MTUS1: variants seen among roughly 807,000 people sequenced by gnomAD.
MTUS1 encodes microtubule associated scaffold protein 1.
Under a neutral mutation model 120.8 loss-of-function variants are expected in MTUS1, and 109 were observed. The observed-to-expected ratio is 0.90, with a 90% CI of 0.77 to 1.06. The LOEUF (loss-of-function observed/expected upper bound fraction) is 1.06. Ranked by LOEUF, MTUS1 falls within the 50% of genes least tolerant of loss-of-function variation. The pLI, the probability that MTUS1 is intolerant of heterozygous loss-of-function variation, is 0.00. For missense variants in MTUS1, 2,210 were observed against 1,486.3 expected, an observed-to-expected ratio of 1.49 and a Z score of -8.01; for synonymous variants, 737 against 550.5, an observed-to-expected ratio of 1.34 and a Z score of -4.74.
At chr8:17,733,627 A>G (rs1160351230) in intron 3 of MTUS1, among the ~76,000 whole-genome samples, 2 of 152,182 alleles carry the variant, frequency 1.3e-5, no homozygotes, top group Admixed American at 6.5e-5. Flanking sequence ...AGAATAAAAC[A>G]GGGCCCCGCA....
At chr8:17,701,229 T>C (rs976538248) in intron 6 of MTUS1, among the ~76,000 whole-genome samples, 1 of 152,224 alleles carries the variant, frequency 6.6e-6, no homozygotes, top group Admixed American at 6.5e-5. Flanking sequence ...TGCAACATTT[T>C]CTTCATTTTA....
At position 17,754,213 on chromosome 8, in the gene MTUS1, G is replaced by A. The variant is rs781314110; in HGVS notation, c.1595C>T (p.Pro532Leu). ...TGAGGCACTGGTCTGCTGAGGTCTG[G>A]GCGTGACCTTTGATAAAGCAGCATC... ...PKDAALSKVT[P>L]RPQQTSASSP... The change falls in exon 2 of 15, where the codon CCC becomes CTC. Residue 532 changes from proline to leucine, a missense_variant. Pro to Leu is a moderately conservative substitution (Grantham distance 98). Coordinates refer to ENST00000693296, the MANE Select transcript of MTUS1 (RefSeq NM_001363059.2). 6.2e-7 allele frequency: 1 copy of A among 1,613,954 alleles called. No homozygotes were observed. Among genetic ancestry groups the A allele is most frequent in the South Asian group, 1.1e-5 (1 of 91,062 alleles).
At chr8:17,677,353 C>T (rs539416173) in intron 7 of MTUS1, among the ~76,000 whole-genome samples, 1 of 152,212 alleles carries the variant, frequency 6.6e-6, no homozygotes, top group South Asian at 2.1e-4. Flanking sequence ...TTACTAAATG[C>T]CCACAAACAA....
At chr8:17,677,069 T>C (rs1050955798) in intron 7 of MTUS1, among the ~76,000 whole-genome samples, 3 of 152,182 alleles carry the variant, frequency 2.0e-5, no homozygotes, top group African/African-American at 7.2e-5. Context: ...TTCAATGGTA[T>C]TCTAAATGCT....
Position 17,743,640 on chromosome 8 carries a change from C to G in MTUS1, c.2251G>C (p.Val751Leu). The change falls in exon 3 of 15, where the codon GTA becomes CTA. Residue 751 changes from valine to leucine, a missense_variant. Transcript: ENST00000693296. ...ACACGCCTGATCCTCTGAGGAGATA[C>G]GGCTCGATCAGCACTGGGATTTCTA... The part of the protein sequence containing the change: ...DNRNPSADRA[V>L]SPQRIRRVSS... 1 of 1,614,052 alleles carries G rather than the reference C, an allele frequency of 6.2e-7. No homozygotes were observed. The highest frequency in any genetic ancestry group is 8.5e-7 in the Non-Finnish European group (1 of 1,180,002).
chr8:17,731,266 C>A (rs529793430), intron 3 of MTUS1, among the ~76,000 whole-genome samples: 192 of 152,206 alleles, frequency 1.3e-3, no homozygotes, highest in African/African-American at 4.0e-3. Flanking sequence ...CGAGGTAGAT[C>A]GTCTAGGTTC....
rs904626049 is a variant in MTUS1, at chr8:17,771,272, A to G, written c.-154-15311T>C. 9.8e-5 allele frequency among the ~76,000 whole-genome samples: 15 copies of G among 152,362 alleles called. No homozygotes were observed. The East Asian group carries it at 1.9e-3, about 20-fold the overall frequency. Reference sequence around the variant, plus strand: ...AGCAGTGGTTCACCATCTCAGGTCAATGATGAGGAAGGGGAGGCAGGGGGC... The same window carrying G: ...AGCAGTGGTTCACCATCTCAGGTCAGTGATGAGGAAGGGGAGGCAGGGGGC... On this transcript the variant is annotated intron_variant, in intron 1 of 14. Coordinates refer to ENST00000693296, the MANE Select transcript of MTUS1 (RefSeq NM_001363059.2).
At chr8:17,690,596 C>T (rs929310839) in intron 6 of MTUS1, among the ~76,000 whole-genome samples, 1 of 152,002 alleles carries the variant, frequency 6.6e-6, no homozygotes, top group Non-Finnish European at 1.5e-5. Context: ...ATTAAAATAG[C>T]CAATTAAAAC....
intron 1 of MTUS1, among the ~76,000 whole-genome samples, chr8:17,760,469 T>C (rs1363082324): frequency 1.3e-5 from 2 of 152,012 alleles, no homozygotes; most frequent in African/African-American, 2.4e-5. Context: ...AAGAAAACAA[T>C]GGCTTTAAGT....
At chr8:17,700,610 C>A (rs1274849956) in intron 6 of MTUS1, among the ~76,000 whole-genome samples, 2 of 151,820 alleles carry the variant, frequency 1.3e-5, no homozygotes, top group African/African-American at 2.4e-5. Context: ...GCAAACATGC[C>A]AGAATGTCAC....
chr8:17,708,121 A>G (rs2130969703), intron 6 of MTUS1, among the ~76,000 whole-genome samples: 1 of 152,390 alleles, frequency 6.6e-6, no homozygotes, highest in Non-Finnish European at 1.5e-5. Flanking sequence ...GACCTTGTCA[A>G]AATTTAAAAC....
intron 6 of MTUS1, among the ~76,000 whole-genome samples, chr8:17,712,389 T>C (rs1821487455): frequency 6.6e-6 from 1 of 151,794 alleles, no homozygotes; most frequent in African/African-American, 2.4e-5. Context: ...CAGGCTGGAG[T>C]GCAGTGGTGT....
intron 3 of MTUS1, among the ~76,000 whole-genome samples, chr8:17,733,308 G>A (rs979636107): frequency 1.3e-5 from 2 of 151,438 alleles, no homozygotes; most frequent in African/African-American, 4.9e-5. Flanking sequence ...CCAAGATCAT[G>A]CCATTGCACT....
rs768350414 is a variant in MTUS1, at chr8:17,656,072, A to C, written c.2906-7T>G. On this transcript the variant is annotated splice_region_variant and splice_polypyrimidine_tract_variant and intron_variant, in intron 8 of 14. Coordinates refer to ENST00000693296, the MANE Select transcript of MTUS1 (RefSeq NM_001363059.2). ...CAGGTGGTTGAAGCAGTGACTGAAAACAGAGGAGAAAGAAGAGGGAAGAGG... is the reference window on the plus strand; with the variant it reads ...CAGGTGGTTGAAGCAGTGACTGAAACCAGAGGAGAAAGAAGAGGGAAGAGG... The C allele has an allele frequency of 2.5e-6, 4 of 1,613,842 alleles. No homozygotes were observed. The highest frequency in any genetic ancestry group is 1.7e-5 in the Admixed American group (1 of 60,026).
At chr8:17,741,338 T>A (rs74350588) in intron 3 of MTUS1, among the ~76,000 whole-genome samples, 1,898 of 152,308 alleles carry the variant, frequency 0.012, 34 homozygotes, top group African/African-American at 0.043. Flanking sequence ...GACCCAAGTA[T>A]TCAGACCATA....
chr8:17,744,448 G>A (rs569294729), intron 2 of MTUS1, among the ~76,000 whole-genome samples: 2 of 151,874 alleles, frequency 1.3e-5, no homozygotes, highest in South Asian at 4.1e-4. Context: ...TTGACACGGA[G>A]TCTCCTCTAT....
intron 2 of MTUS1, among the ~76,000 whole-genome samples, chr8:17,753,319 G>T (rs1192600612): frequency 6.6e-6 from 1 of 152,162 alleles, no homozygotes; most frequent in Non-Finnish European, 1.5e-5. Flanking sequence ...ATGTTTACCA[G>T]CACTCCCAAG....
At chr8:17,661,940 GA>G (rs1809816458) in intron 8 of MTUS1, among the ~76,000 whole-genome samples, 1 of 152,174 alleles carries the variant, frequency 6.6e-6, no homozygotes, top group African/African-American at 2.4e-5. Context: ...GGCTGCGAAG[GA>G]AACATTTATT....
intron 6 of MTUS1, among the ~76,000 whole-genome samples, chr8:17,687,435 T>C (rs185916985): frequency 1.2e-3 from 180 of 152,324 alleles, no homozygotes; most frequent in Non-Finnish European, 1.7e-3. Context: ...GCAGGATTCA[T>C]TACTAACGTG....
Sources: gnomAD v4.1 joint callset for allele counts (sites outside exome capture counted in the v4.1 genomes callset) on GRCh38, gnomAD v4.1.1 for gene constraint, MANE v1.5 for transcripts, NCBI Gene and HGNC (gene_info 2026-07-23, HGNC 2026-07-21) for gene names.